The following NPAS3 variants were observed in gnomAD, a reference collection of about 807,000 sequenced individuals.
NPAS3 encodes neuronal PAS domain protein 3.
In NPAS3, 14 loss-of-function variants were observed where a neutral mutation model predicts 73.1. That is an observed-to-expected ratio of 0.19 (90% confidence interval 0.13 to 0.30). NPAS3 has a LOEUF of 0.30. NPAS3 is among the 10% of genes least tolerant of loss of function. The pLI is 1.00. For missense variants in NPAS3, 1,096 were observed against 1,250.0 expected (o/e 0.88, Z 1.86); for synonymous variants, 620 against 541.5 (o/e 1.14, Z -2.01).
chr14:33,675,758 G>A (rs1353558769), intron 5 of NPAS3, among the ~76,000 whole-genome samples: 1 of 152,162 alleles, frequency 6.6e-6, no homozygotes, highest in African/African-American at 2.4e-5. Flanking sequence ...GGAAATCTGT[G>A]TATTTTAAGG....
chr14:33,362,394 G>A (rs955920135), intron 3 of NPAS3, among the ~76,000 whole-genome samples: 1 of 152,122 alleles, frequency 6.6e-6, no homozygotes, highest in African/African-American at 2.4e-5. Flanking sequence ...TGAACTTCTG[G>A]GGCTCCTGAG....
intron 5 of NPAS3, among the ~76,000 whole-genome samples, chr14:33,579,577 G>A (rs574860214): frequency 6.6e-6 from 1 of 152,098 alleles, no homozygotes; most frequent in East Asian, 1.9e-4. Context: ...TTTCATAGAC[G>A]TGCTATTAGT....
intron 3 of NPAS3, among the ~76,000 whole-genome samples, chr14:33,255,680 T>G (rs17100461): frequency 0.033 from 5,031 of 152,256 alleles, 221 homozygotes; most frequent in East Asian, 0.23. Flanking sequence ...CACCTTCAAA[T>G]GCAGATTTCT....
intron 4 of NPAS3, among the ~76,000 whole-genome samples, chr14:33,459,379 T>G (rs1282428806): frequency 6.6e-6 from 1 of 152,202 alleles, no homozygotes; most frequent in Non-Finnish European, 1.5e-5. Flanking sequence ...ATAAGAAAAC[T>G]ATAAAATATT....
rs1365236051 is a variant in NPAS3, at chr14:33,025,926, C to G, written c.51-29979C>G. The stretch of plus-strand genomic sequence containing the variant: ...GCTTTTATAGCAGTGTGAGAATGAA[C>G]TAATACAGTTGCCAAGTAGGTTCCA... On this transcript the variant is annotated intron_variant, in intron 1 of 11. Coordinates refer to ENST00000356141, the Ensembl canonical transcript of NPAS3. Among the ~76,000 whole-genome samples the G allele has an allele frequency of 5.9e-5, 9 of 152,150 alleles. No individual in the cohort carries two copies. The East Asian group carries it at 1.5e-3, about 26-fold the overall frequency.
At chr14:33,012,636 C>A (rs1178741311) in intron 1 of NPAS3, among the ~76,000 whole-genome samples, 1 of 151,932 alleles carries the variant, frequency 6.6e-6, no homozygotes, top group Non-Finnish European at 1.5e-5. Flanking sequence ...GCAACCTCCG[C>A]CTCCCGGGTT....
chr14:32,966,933 A>G (rs1177421742), intron 1 of NPAS3, among the ~76,000 whole-genome samples: 1 of 152,252 alleles, frequency 6.6e-6, no homozygotes, highest in African/African-American at 2.4e-5. Flanking sequence ...ATGGGATTAC[A>G]TTAAACTAAA....
chr14:33,580,201 C>T (rs568229749), intron 5 of NPAS3, among the ~76,000 whole-genome samples: 1 of 150,118 alleles, frequency 6.7e-6, no homozygotes, highest in East Asian at 2.7e-4. Flanking sequence ...AATGGGCTTA[C>T]ATATGCACAA....
chr14:33,177,262 A>C (rs553608165), intron 2 of NPAS3, among the ~76,000 whole-genome samples: 1 of 151,666 alleles, frequency 6.6e-6, no homozygotes, highest in African/African-American at 2.4e-5. Context: ...ATGTCCGGCT[A>C]ATTTTTTGTA....
intron 11 of NPAS3, among the ~76,000 whole-genome samples, chr14:33,798,603 C>G (rs2063583180): frequency 6.6e-6 from 1 of 152,162 alleles, no homozygotes; most frequent in Non-Finnish European, 1.5e-5. Flanking sequence ...AAACATGTAT[C>G]CCTTCCTCCA....
chr14:33,344,748 C>T (rs1007674995), intron 3 of NPAS3, among the ~76,000 whole-genome samples: 2 of 152,108 alleles, frequency 1.3e-5, no homozygotes, highest in East Asian at 1.9e-4. Context: ...AATTTAATAG[C>T]GTACAGTTTC....
intron 3 of NPAS3, among the ~76,000 whole-genome samples, chr14:33,360,804 C>T (rs1364735412): frequency 6.6e-6 from 1 of 152,188 alleles, no homozygotes; most frequent in African/African-American, 2.4e-5. Flanking sequence ...CTCAGGACCC[C>T]TTGCATCTCT....
intron 7 of NPAS3, among the ~76,000 whole-genome samples, chr14:33,738,858 T>C (rs938209389): frequency 1.3e-5 from 2 of 152,206 alleles, no homozygotes; most frequent in African/African-American, 2.4e-5. Context: ...ATTAGGTCTA[T>C]GTCTGGGGGA....
chr14:33,529,967 C>T (rs530440861), intron 4 of NPAS3, among the ~76,000 whole-genome samples: 2 of 152,268 alleles, frequency 1.3e-5, no homozygotes, highest in African/African-American at 2.4e-5. Flanking sequence ...TCCAGGGATG[C>T]GCCAGGCATC....
chr14:33,775,532 G>T (rs1428892769), intron 8 of NPAS3, among the ~76,000 whole-genome samples: 3 of 152,146 alleles, frequency 2.0e-5, no homozygotes, highest in Non-Finnish European at 4.4e-5. Context: ...AAGCGCTGAA[G>T]ATGTTGAGAT....
chr14:33,252,981 T>C (rs2048643786), intron 3 of NPAS3, among the ~76,000 whole-genome samples: 1 of 152,152 alleles, frequency 6.6e-6, no homozygotes, highest in Admixed American at 6.5e-5. Flanking sequence ...TTCATTCTTT[T>C]TTATGGCCAT....
At chr14:33,757,001 G>T (rs1358611429) in intron 7 of NPAS3, among the ~76,000 whole-genome samples, 1 of 152,178 alleles carries the variant, frequency 6.6e-6, no homozygotes, top group African/African-American at 2.4e-5. Flanking sequence ...ACTGATGGTG[G>T]GGCATGGGGA....
At chr14:33,015,734 T>C (rs1232571958) in intron 1 of NPAS3, among the ~76,000 whole-genome samples, 2 of 152,184 alleles carry the variant, frequency 1.3e-5, no homozygotes, top group Non-Finnish European at 1.5e-5. Context: ...CACCCCTACA[T>C]ATTCTCAAGA....
chr14:33,603,941 G>GA (rs2057476421), intron 5 of NPAS3, among the ~76,000 whole-genome samples: 1 of 151,972 alleles, frequency 6.6e-6, no homozygotes, highest in Admixed American at 6.5e-5. Flanking sequence ...TCTTTTATGA[G>GA]AACCGGTATG....
Sources: gnomAD v4.1 joint callset for allele counts (sites outside exome capture counted in the v4.1 genomes callset) on GRCh38, gnomAD v4.1.1 for gene constraint, MANE v1.5 for transcripts, NCBI Gene and HGNC (gene_info 2026-07-23, HGNC 2026-07-21) for gene names.